Variants in SORT1 observed in about 807,000 individuals in gnomAD.
SORT1 encodes the protein sortilin.
A neutral mutation model predicts 101.7 loss-of-function variants in SORT1; 39 were observed. The observed-to-expected ratio is 0.38, with a 90% CI of 0.30 to 0.50. SORT1 has a LOEUF of 0.50. Ranked by LOEUF, SORT1 falls within the 20% of genes least tolerant of loss-of-function variation. The pLI, the probability that SORT1 is intolerant of heterozygous loss-of-function variation, is 0.90. For synonymous variants in SORT1, 396 were observed against 393.7 expected (o/e 1.01, Z -0.07); for missense variants, 878 against 1,040.4 (o/e 0.84, Z 2.15).
At chr1:109,362,943 C>G (rs1002096371) in intron 3 of SORT1, among the ~76,000 whole-genome samples, 11 of 152,084 alleles carry the variant, frequency 7.2e-5, no homozygotes, top group African/African-American at 2.7e-4. Context: ...CACAACATGC[C>G]TTGAAGAAGC....
chr1:109,375,292 G>A (rs193267028), intron 1 of SORT1, among the ~76,000 whole-genome samples: 4 of 152,182 alleles, frequency 2.6e-5, no homozygotes, highest in Admixed American at 2.6e-4. Context: ...AATAGCCACG[G>A]TGGCTCACGC....
At chr1:109,327,433 G>C (rs920732748) in intron 12 of SORT1, 66 bp downstream of exon 12, 3 of 995,580 alleles carry the variant, frequency 3.0e-6, no homozygotes, top group Non-Finnish European at 4.6e-6. Flanking sequence ...TTCAAAGCCT[G>C]TTGGCTGAGT....
intron 19 of SORT1, 46 bp downstream of exon 19, chr1:109,314,215 T>A (rs200382695): frequency 1.7e-5 from 17 of 1,020,674 alleles, no homozygotes; most frequent in Admixed American, 2.0e-5. Context: ...TTTTCTTGTA[T>A]TTTTTGGGGG....
At chr1:109,353,738 T>C (rs1650117715) in intron 5 of SORT1, among the ~76,000 whole-genome samples, 1 of 152,220 alleles carries the variant, frequency 6.6e-6, no homozygotes, top group African/African-American at 2.4e-5. Flanking sequence ...CTGATTATTA[T>C]AGTCTAGCAA....
chr1:109,383,275 T>A (rs1371173445), intron 1 of SORT1, among the ~76,000 whole-genome samples: 1 of 152,148 alleles, frequency 6.6e-6, no homozygotes, highest in African/African-American at 2.4e-5. Flanking sequence ...AAGAAGGAAG[T>A]GAATTCAATG....
intron 10 of SORT1, among the ~76,000 whole-genome samples, chr1:109,340,146 CAAAAAAAAAA>C (rs34790280): frequency 4.2e-5 from 4 of 96,298 alleles, no homozygotes; most frequent in African/African-American, 1.6e-4. Context: ...GATTCCATCT[CAAAAAAAAAA>C]AAAAAAAAGA....
chr1:109,388,237 A>G (rs1470538519), intron 1 of SORT1, among the ~76,000 whole-genome samples: 1 of 151,686 alleles, frequency 6.6e-6, no homozygotes, highest in African/African-American at 2.4e-5. Context: ...ACCCCTAATA[A>G]ATTTTTTTGT....
intron 1 of SORT1, among the ~76,000 whole-genome samples, chr1:109,390,285 C>T (rs972806405): frequency 3.3e-5 from 5 of 152,134 alleles, no homozygotes; most frequent in South Asian, 2.1e-4. Flanking sequence ...CAGTGCTTTG[C>T]TTTGTTTATG....
chr1:109,326,473 A>ATATATT (rs1648056738), intron 13 of SORT1, among the ~76,000 whole-genome samples: 1 of 81,424 alleles, frequency 1.2e-5, no homozygotes, highest in East Asian at 5.3e-4. Context: ...ATACATACAC[A>ATATATT]CACACACACA....
chr1:109,364,325 T>G (rs982115150), intron 3 of SORT1, among the ~76,000 whole-genome samples: 4 of 152,310 alleles, frequency 2.6e-5, no homozygotes, highest in African/African-American at 9.6e-5. Context: ...AGGCATTAGG[T>G]ATAGAAGATA....
At chr1:109,321,467 G>A (rs780421047) in intron 15 of SORT1, among the ~76,000 whole-genome samples, 10 of 152,180 alleles carry the variant, frequency 6.6e-5, no homozygotes, top group Non-Finnish European at 1.3e-4. Context: ...ATTTGGAGTC[G>A]AGGATAGGAG....
chr1:109,347,654 A>G, intron 6 of SORT1, 122 bp from the exon 7 acceptor site: 1 of 660,354 alleles, frequency 1.5e-6, no homozygotes, highest in Admixed American at 2.3e-5. Flanking sequence ...GACAAGCACC[A>G]CTTCTCAGGC....
At chr1:109,323,852 G>A (rs1647805754) in intron 14 of SORT1, among the ~76,000 whole-genome samples, 1 of 152,160 alleles carries the variant, frequency 6.6e-6, no homozygotes, top group Non-Finnish European at 1.5e-5. Flanking sequence ...CCTGCTGAGG[G>A]GAGAACTCCC....
intron 3 of SORT1, among the ~76,000 whole-genome samples, chr1:109,361,796 G>C (rs1650739479): frequency 6.6e-6 from 1 of 152,058 alleles, no homozygotes; most frequent in African/African-American, 2.4e-5. Flanking sequence ...ATGGTCCCTT[G>C]CCAGTCATTT....
chr1:109,357,319 C>A (rs1397035605), intron 3 of SORT1, among the ~76,000 whole-genome samples: 1 of 152,184 alleles, frequency 6.6e-6, no homozygotes, highest in Non-Finnish European at 1.5e-5. Flanking sequence ...CATCATTAAG[C>A]GAAGCTTGAA....
intron 3 of SORT1, among the ~76,000 whole-genome samples, chr1:109,363,780 T>G (rs1650897959): frequency 6.6e-6 from 1 of 152,172 alleles, no homozygotes; most frequent in Non-Finnish European, 1.5e-5. Flanking sequence ...AGAAAAATCT[T>G]CAGAGTGGGT....
chr1:109,319,290 C>G (rs1317204786), intron 15 of SORT1, among the ~76,000 whole-genome samples: 2 of 152,200 alleles, frequency 1.3e-5, no homozygotes, highest in Non-Finnish European at 2.9e-5. Context: ...GAAACAATGT[C>G]TGCTGACAAT....
chr1:109,361,233 G>A (rs1650701941), intron 3 of SORT1, among the ~76,000 whole-genome samples: 1 of 152,156 alleles, frequency 6.6e-6, no homozygotes, highest in Non-Finnish European at 1.5e-5. Flanking sequence ...TATTGTTTTA[G>A]CTAAATATGC....
chr1:109,345,913 C>T, intron 7 of SORT1, 32 bp from the exon 8 acceptor site: 2 of 1,592,630 alleles, frequency 1.3e-6, no homozygotes, highest in Non-Finnish European at 1.7e-6. Context: ...ATTAAAATTT[C>T]ACTTACTGGT....
Sources: allele counts gnomAD v4.1 joint callset (sites outside exome capture counted in the v4.1 genomes callset), GRCh38; gene constraint gnomAD v4.1.1; transcripts MANE v1.5; gene names NCBI Gene and HGNC (gene_info 2026-07-23, HGNC 2026-07-21).